SIK3: variants seen among roughly 807,000 people sequenced by gnomAD.
SIK3 encodes serine/threonine-protein kinase SIK3.
SIK3 carries 28 observed loss-of-function variants against 144.2 expected under a neutral mutation model. The observed-to-expected ratio is 0.19, with a 90% confidence interval of 0.14 to 0.27. The LOEUF (loss-of-function observed/expected upper bound fraction) is 0.27, where lower values mean the gene tolerates loss of function less well. SIK3 is among the 10% of genes least tolerant of loss of function. SIK3 has a pLI of 1.00. For synonymous variants in SIK3, 686 were observed against 676.3 expected, an observed-to-expected ratio of 1.01 and a Z score of -0.22; for missense variants, 1,319 against 1,776.0, an observed-to-expected ratio of 0.74 and a Z score of 4.62.
chr11:116,887,827 G>A (rs1449583503), intron 6 of SIK3, among the ~76,000 whole-genome samples: 2 of 152,100 alleles, frequency 1.3e-5, no homozygotes, highest in East Asian at 3.9e-4. Context: ...ATAAAAACTA[G>A]GTGGTATACA....
chr11:116,885,577 A>T (rs187248453), intron 6 of SIK3, among the ~76,000 whole-genome samples: 1 of 152,314 alleles, frequency 6.6e-6, no homozygotes, highest in East Asian at 1.9e-4. Flanking sequence ...TTTGACTCCT[A>T]GTATCAGTCA....
At chr11:116,988,705 G>C (rs971053082) in intron 1 of SIK3, among the ~76,000 whole-genome samples, 2 of 151,682 alleles carry the variant, frequency 1.3e-5, no homozygotes, top group Non-Finnish European at 1.5e-5. Context: ...GAGGTGGAAG[G>C]ATTGCTTGAG....
rs767156498 is a variant in SIK3 at position 116,861,836 on chromosome 11, C to T, written c.2315+5G>A. On this transcript the variant is annotated splice_donor_5th_base_variant and intron_variant, in intron 18 of 24. Coordinates refer to ENST00000445177, the MANE Select transcript of SIK3 (RefSeq NM_001366686.3). ...GGCTTAGGCACAACACAAAATGACT[C>T]ATACCTCTGGAGCTGATGGGTAAGG... 1.2e-6 allele frequency: 2 copies of T among 1,602,934 alleles called. No individual in the cohort carries two copies. Among genetic ancestry groups the T allele is most frequent in the South Asian group, 1.1e-5 (1 of 89,846 alleles).
chr11:117,086,252 G>T (rs765730288), intron 1 of SIK3, among the ~76,000 whole-genome samples: 2 of 152,198 alleles, frequency 1.3e-5, no homozygotes, highest in Non-Finnish European at 2.9e-5. Flanking sequence ...TGATAGGACT[G>T]CTGCATTACC....
intron 1 of SIK3, among the ~76,000 whole-genome samples, chr11:117,020,246 T>TATATATATACAC: frequency 7.9e-6 from 1 of 127,232 alleles, no homozygotes; most frequent in African/African-American, 3.5e-5. Context: ...CATATATATA[T>TATATATATACAC]ACACATACAT....
intron 1 of SIK3, among the ~76,000 whole-genome samples, chr11:116,977,607 G>A (rs944298832): frequency 2.0e-5 from 3 of 152,144 alleles, no homozygotes; most frequent in Non-Finnish European, 4.4e-5. Context: ...TTAACAAACA[G>A]CAGATGCAGG....
At chr11:116,937,511 A>T (rs566242983) in intron 3 of SIK3, among the ~76,000 whole-genome samples, 3 of 152,360 alleles carry the variant, frequency 2.0e-5, no homozygotes, top group Middle Eastern at 3.4e-3. Flanking sequence ...GTATTCTGCT[A>T]GAGCAGCCCA....
intron 1 of SIK3, among the ~76,000 whole-genome samples, chr11:117,086,223 C>T (rs1954996336): frequency 6.6e-6 from 1 of 152,184 alleles, no homozygotes; most frequent in Non-Finnish European, 1.5e-5. Flanking sequence ...AAGTACAATG[C>T]ACACAGCAAA....
At chr11:116,939,944 T>C (rs528849839) in intron 3 of SIK3, among the ~76,000 whole-genome samples, 2 of 152,348 alleles carry the variant, frequency 1.3e-5, no homozygotes, top group African/African-American at 2.4e-5. Flanking sequence ...GCATCGTAAT[T>C]TGTACAAACT....
At chr11:116,991,370 C>T (rs746019974) in intron 1 of SIK3, among the ~76,000 whole-genome samples, 3 of 152,182 alleles carry the variant, frequency 2.0e-5, no homozygotes, top group Admixed American at 6.5e-5. Context: ...TCACTTGAAC[C>T]CGGGAGGCGA....
At chr11:116,897,477 T>C (rs996505793) in intron 4 of SIK3, among the ~76,000 whole-genome samples, 160 bp from the exon 5 acceptor site, 3 of 152,196 alleles carry the variant, frequency 2.0e-5, no homozygotes, top group South Asian at 2.1e-4. Context: ...AAAACAATAA[T>C]AGTGAAACAG....
chr11:116,917,556 A>C (rs1404913313), intron 4 of SIK3, among the ~76,000 whole-genome samples: 1 of 151,954 alleles, frequency 6.6e-6, no homozygotes, highest in African/African-American at 2.4e-5. Context: ...AAAAATTTAA[A>C]AATTCGCCAG....
In SIK3 at chr11:116,867,284, T is replaced by G. The variant is rs1943698693; in HGVS notation, c.1952+662A>C. 6.6e-6 allele frequency among the ~76,000 whole-genome samples: 1 copy of G among 152,200 alleles called. No homozygotes were observed. The highest frequency in any genetic ancestry group is 2.4e-5 in the African/African-American group (1 of 41,454). ...ACAGAAGATAATCATCTTCTTCAAC[T>G]AGCAAAGTGTCATTCCGCAGCTGCT... On this transcript the variant is annotated intron_variant, in intron 15 of 24. Transcript: ENST00000445177. The surrounding 1 kb of genome is among the most constrained non-coding windows in gnomAD (Gnocchi z 4.1).
intron 1 of SIK3, among the ~76,000 whole-genome samples, chr11:116,965,934 CAA>C (rs953982532): frequency 3.2e-5 from 4 of 124,132 alleles, no homozygotes; most frequent in Admixed American, 8.2e-5. Flanking sequence ...GACTCCGTCT[CAA>C]AAAAAAAAAG....
intron 4 of SIK3, among the ~76,000 whole-genome samples, chr11:116,905,286 T>G (rs546974726): frequency 6.6e-6 from 1 of 152,372 alleles, no homozygotes; most frequent in African/African-American, 2.4e-5. Flanking sequence ...ATGTCAGCAC[T>G]TGAGTCTATT....
chr11:117,091,426 G>A (rs566058155), intron 1 of SIK3, among the ~76,000 whole-genome samples: 395 of 151,814 alleles, frequency 2.6e-3, no homozygotes, highest in African/African-American at 9.0e-3. Flanking sequence ...GGCTGGTCTC[G>A]AACTCCTGAC....
At chr11:117,058,536 A>C (rs1953649382) in intron 1 of SIK3, among the ~76,000 whole-genome samples, 1 of 151,538 alleles carries the variant, frequency 6.6e-6, no homozygotes, top group Admixed American at 6.6e-5. Context: ...AAAAAAAAAA[A>C]TTACCTCCAT....
chr11:116,958,798 TCTC>T (rs1191629574), intron 1 of SIK3, among the ~76,000 whole-genome samples: 13 of 152,152 alleles, frequency 8.5e-5, no homozygotes, highest in East Asian at 5.8e-4. Flanking sequence ...CATTTCTACT[TCTC>T]CTCATTACTG....
intron 3 of SIK3, among the ~76,000 whole-genome samples, chr11:116,947,406 A>G (rs1242349864): frequency 6.7e-6 from 1 of 149,582 alleles, no homozygotes; most frequent in Non-Finnish European, 1.5e-5. Flanking sequence ...TGGAAGTCAA[A>G]ACTAAGAGCT....
Sources: gnomAD v4.1 joint callset for allele counts (sites outside exome capture counted in the v4.1 genomes callset) on GRCh38, gnomAD v4.1.1 for gene constraint, Gnocchi (gnomAD v3.1) non-coding constraint, MANE v1.5 for transcripts, NCBI Gene and HGNC (gene_info 2026-07-23, HGNC 2026-07-21) for gene names.